NHSL2: variants seen among roughly 807,000 people sequenced by gnomAD.
The protein encoded by NHSL2 is NHS-like protein 2.
NHSL2 carries 27 observed loss-of-function variants against 53.4 expected under a neutral mutation model. The ratio of observed to expected loss-of-function variants is 0.51; its 90% CI spans 0.37 to 0.70. The LOEUF is 0.70. Ranked by LOEUF, NHSL2 falls within the 30% of genes least tolerant of loss-of-function variation. NHSL2 has a pLI of 0.00. For synonymous variants in NHSL2, 408 were observed against 404.1 expected (o/e 1.01, Z -0.12); for missense variants, 892 against 980.1 (o/e 0.91, Z 1.20).
chrX:72,076,852 A>G (rs1440707151), intron 1 of NHSL2, among the ~76,000 whole-genome samples: 2 of 111,884 alleles, frequency 1.8e-5, no homozygotes, highest in Non-Finnish European at 3.8e-5. Flanking sequence ...TTCAAAAGTC[A>G]GTTTCCTGTC....
chrX:72,073,228 G>A lies in NHSL2; in HGVS notation c.281-58851G>A, dbSNP rs191943614. 4.9e-3 allele frequency among the ~76,000 whole-genome samples: 546 copies of A among 111,384 alleles called. 3 individuals carry two copies. Among genetic ancestry groups the A allele is most frequent in the Admixed American group, 8.2e-3 (86 of 10,537 alleles). ...CTGAGCTGCAGCAGGGAAAGGATGA[G>A]CAAAACCAGCCACACAGCCAGTAAG... On this transcript the variant is annotated intron_variant, in intron 1 of 7. Transcript: ENST00000633930.
intron 1 of NHSL2, among the ~76,000 whole-genome samples, chrX:72,071,511 C>T (rs748836915): frequency 6.3e-5 from 7 of 111,870 alleles, no homozygotes; most frequent in Admixed American, 1.9e-4. Flanking sequence ...TCATCCTAGA[C>T]GTAGTAGCTA....
At chrX:71,931,096 G>A (rs2041710752) in intron 1 of NHSL2, among the ~76,000 whole-genome samples, 1 of 112,139 alleles carries the variant, frequency 8.9e-6, no homozygotes, top group African/African-American at 3.2e-5. Context: ...GCCATCCTAG[G>A]GAGTGTGGAG....
At position 72,134,009 on chromosome X, in the gene NHSL2, A is replaced by T. The variant is rs2042332091; in HGVS notation, c.437-82A>T. The T allele has an allele frequency of 4.1e-6, 4 of 983,623 alleles. No individual in the cohort carries two copies. The African/African-American group carries it at 7.7e-5, about 19-fold the overall frequency. The allele number at this position is 983,623 out of a possible 1,213,427, so 81.1% of individuals were successfully genotyped here. A position where few individuals can be genotyped will look rare whatever the true frequency, so the allele number is the denominator to read the frequency against. ...AGTCAGGCCTGGCAGCTAGAGCAGG[A>T]GTCCTGGCTCATGGCCCTTCCCCGG... On this transcript the variant is annotated intron_variant, in intron 2 of 7. Coordinates refer to ENST00000633930, the MANE Select transcript of NHSL2 (RefSeq NM_001013627.3).
chrX:72,136,523 A>G (rs1266420754), intron 4 of NHSL2, among the ~76,000 whole-genome samples: 1 of 112,319 alleles, frequency 8.9e-6, no homozygotes, highest in Non-Finnish European at 1.9e-5. Context: ...GCTGTGAGCC[A>G]GCTTTGGTAA....
chrX:71,937,156 G>C (rs1008027956), intron 1 of NHSL2, among the ~76,000 whole-genome samples: 2 of 111,931 alleles, frequency 1.8e-5, no homozygotes, highest in Non-Finnish European at 3.8e-5. Context: ...CAGGTGGATG[G>C]GCATCAAGAA....
intron 1 of NHSL2, among the ~76,000 whole-genome samples, chrX:71,984,714 A>G (rs1269792254): frequency 8.9e-6 from 1 of 112,277 alleles, no homozygotes; most frequent in Non-Finnish European, 1.9e-5. Flanking sequence ...TCATGGTAAG[A>G]CTGATTTGCT....
intron 1 of NHSL2, among the ~76,000 whole-genome samples, chrX:71,999,005 T>C (rs1162815094): frequency 1.8e-5 from 2 of 112,508 alleles, no homozygotes; most frequent in African/African-American, 6.5e-5. Context: ...CTTCCTCAGC[T>C]GACTGGCTCA....
intron 1 of NHSL2, among the ~76,000 whole-genome samples, chrX:72,125,978 A>C (rs922547750): frequency 8.9e-6 from 1 of 112,093 alleles, no homozygotes; most frequent in African/African-American, 3.2e-5. Context: ...TGAGTTAAGA[A>C]TGTATATGGG....
At chrX:71,918,061 C>G (rs761615728) in intron 1 of NHSL2, among the ~76,000 whole-genome samples, 6 of 111,939 alleles carry the variant, frequency 5.4e-5, no homozygotes, top group Non-Finnish European at 1.1e-4. Context: ...GAGACCCAGG[C>G]AACCTCGGCT....
At chrX:71,923,984 A>G (rs1360557035) in intron 1 of NHSL2, among the ~76,000 whole-genome samples, 11 of 112,109 alleles carry the variant, frequency 9.8e-5, no homozygotes, top group Non-Finnish European at 1.7e-4. Context: ...CTGTTCTTTA[A>G]TAAAGGAAAG....
At chrX:72,002,001 G>C (rs971365705) in intron 1 of NHSL2, among the ~76,000 whole-genome samples, 2 of 112,726 alleles carry the variant, frequency 1.8e-5, no homozygotes, top group African/African-American at 6.4e-5. Context: ...GTCTGCATGT[G>C]GTTTGTTTCT....
intron 1 of NHSL2, among the ~76,000 whole-genome samples, chrX:72,070,636 G>T (rs1351682798): frequency 9.1e-6 from 1 of 109,968 alleles, no homozygotes. Context: ...CTGCTACCTG[G>T]GGTTAGGCTT....
At chrX:71,912,201 CG>C (rs757806108) in intron 1 of NHSL2, among the ~76,000 whole-genome samples, 1 of 112,676 alleles carries the variant, frequency 8.9e-6, no homozygotes, top group Non-Finnish European at 1.9e-5. Context: ...AGGGGGGCTA[CG>C]CGAGCCCTTG....
chrX:72,125,827 C>T (rs1467737891), intron 1 of NHSL2, among the ~76,000 whole-genome samples: 1 of 112,196 alleles, frequency 8.9e-6, no homozygotes, highest in African/African-American at 3.2e-5. Flanking sequence ...AGAACTGCCA[C>T]CTGGCTGGTT....
chrX:72,052,995 A>G (rs1008687153), intron 1 of NHSL2, among the ~76,000 whole-genome samples: 4 of 112,329 alleles, frequency 3.6e-5, no homozygotes, highest in Admixed American at 9.4e-5. Flanking sequence ...ATCTGATGAG[A>G]GTCTTTCCTG....
chrX:72,135,560 A>T (rs2042349531), intron 4 of NHSL2, among the ~76,000 whole-genome samples: 1 of 111,903 alleles, frequency 8.9e-6, no homozygotes, highest in African/African-American at 3.3e-5. Flanking sequence ...GATGAAGATG[A>T]TGAGGACAGC....
intron 1 of NHSL2, among the ~76,000 whole-genome samples, chrX:72,004,227 A>G (rs780104539): frequency 2.7e-5 from 3 of 112,152 alleles, no homozygotes; most frequent in Non-Finnish European, 5.6e-5. Flanking sequence ...CTGTGGCATT[A>G]TGAAGTGGAG....
intron 1 of NHSL2, among the ~76,000 whole-genome samples, chrX:72,015,626 C>A (rs1418829745): frequency 8.9e-6 from 1 of 112,258 alleles, no homozygotes; most frequent in Non-Finnish European, 1.9e-5. Flanking sequence ...ATGAGAGTAG[C>A]AGTTTTGCTC....
Sources: allele counts gnomAD v4.1 joint callset (sites outside exome capture counted in the v4.1 genomes callset), GRCh38; gene constraint gnomAD v4.1.1; transcripts MANE v1.5; gene names NCBI Gene and HGNC (gene_info 2026-07-23, HGNC 2026-07-21).